The following SLC2A12 variants were observed in gnomAD, a reference collection of about 807,000 sequenced individuals.
SLC2A12 encodes solute carrier family 2 member 12, also known as solute carrier family 2, facilitated glucose transporter member 12.
A neutral mutation model predicts 41.8 loss-of-function variants in SLC2A12; 23 were observed. The observed-to-expected ratio is 0.55, with a 90% CI of 0.40 to 0.78. The LOEUF (loss-of-function observed/expected upper bound fraction) is 0.78, where lower values mean the gene tolerates loss of function less well. Ranked by LOEUF, SLC2A12 falls within the 30% of genes least tolerant of loss-of-function variation. SLC2A12 has a pLI of 0.00. For missense variants in SLC2A12, 654 were observed against 745.6 expected (o/e 0.88, Z 1.43); for synonymous variants, 295 against 285.9 (o/e 1.03, Z -0.32).
intron 2 of SLC2A12, among the ~76,000 whole-genome samples, chr6:134,023,330 G>A (rs2627232): frequency 0.41 from 62,915 of 151,824 alleles, 12,970 homozygotes; most frequent in South Asian, 0.45. Context: ...AGCAACAGCC[G>A]TTGTGATGAT....
Position 133,987,617 on chromosome 6 carries a change from G to C in SLC2A12, c.*3538C>G, listed in dbSNP as rs1484137596. 7.6e-6 allele frequency: 1 copy of C among 131,184 alleles called. No individual in the cohort carries two copies. The highest frequency in any genetic ancestry group is 8.0e-5 in the Admixed American group (1 of 12,480). 8.1% of individuals were successfully genotyped at this position (131,184 alleles called of 1,614,324 possible). A position where few individuals can be genotyped will look rare whatever the true frequency, so the allele number is the denominator to read the frequency against. On this transcript the variant is annotated 3_prime_UTR_variant, in exon 5 of 5. Transcript: ENST00000275230. ...TAAAGTGTGTTGGCTTCTTTTTGAAGTGTATTTTGTGTGTGTGTGTGTGTG... is the reference window on the plus strand; with the variant it reads ...TAAAGTGTGTTGGCTTCTTTTTGAACTGTATTTTGTGTGTGTGTGTGTGTG...
chr6:134,028,704 T>C lies in SLC2A12; in HGVS notation c.1121A>G (p.His374Arg). ...GATAGAATTGTGGCTTCTGCAGATA[T>C]GGGTGAAGTTCATGTGGATGTTGAG... ...VNLNIHMNFT[H>R]ICRSHNSINQ... is the part of the protein sequence containing the mutation. The change falls in exon 2 of 5, where the codon CAT (histidine) becomes CGT (arginine). Residue 374 changes from histidine to arginine, a missense_variant. Coordinates refer to ENST00000275230, the MANE Select transcript of SLC2A12 (RefSeq NM_145176.3). The C allele has an allele frequency of 6.2e-7, 1 of 1,614,178 alleles. No individual in the cohort carries two copies. The highest frequency in any genetic ancestry group is 8.5e-7 in the Non-Finnish European group (1 of 1,180,022).
At position 133,988,446 on chromosome 6, in the gene SLC2A12, C is replaced by T. The variant is rs1182302927; in HGVS notation, c.*2709G>A. 6.6e-6 allele frequency: 1 copy of T among 152,150 alleles called. No individual in the cohort carries two copies. The highest frequency in any genetic ancestry group is 1.5e-5 in the Non-Finnish European group (1 of 68,010). The allele number at this position is 152,150 out of a possible 1,614,324, so 9.4% of individuals were successfully genotyped here. On this transcript the variant is annotated 3_prime_UTR_variant, in exon 5 of 5. Coordinates refer to ENST00000275230, the MANE Select transcript of SLC2A12 (RefSeq NM_145176.3). ...ACTTAATGGGGACAATATTCCAACA[C>T]AATGTTCCACAAAAACTTGTATTTC...
intron 2 of SLC2A12, among the ~76,000 whole-genome samples, chr6:134,021,254 T>C (rs193250078): frequency 1.3e-5 from 2 of 152,308 alleles, no homozygotes; most frequent in East Asian, 1.9e-4. Context: ...AAGCCCAATT[T>C]GACATTTTTC....
chr6:134,007,107 C>T (rs145302518), intron 2 of SLC2A12, among the ~76,000 whole-genome samples, 173 bp from the exon 3 acceptor site: 74 of 152,368 alleles, frequency 4.9e-4, no homozygotes, highest in Middle Eastern at 3.4e-3. Context: ...TGCCTCCTCA[C>T]CTCCAGCCAA....
chr6:134,010,370 T>G lies in SLC2A12; in HGVS notation c.1445-3436A>C, dbSNP rs116662309. Among the ~76,000 whole-genome samples the G allele has an allele frequency of 8.0e-3, 1,224 of 152,302 alleles. 22 individuals carry two copies. The highest frequency in any genetic ancestry group is 0.026 in the African/African-American group (1,096 of 41,552). The stretch of plus-strand genomic sequence containing the variant: ...ATGACAGGCCAAAAGGGGATGCACA[T>G]TGTCCTATTTGTGCATCAGGAATCC... On this transcript the variant is annotated intron_variant, in intron 2 of 4. Transcript: ENST00000275230.
chr6:134,004,266 G>A (rs1345845799), intron 3 of SLC2A12, among the ~76,000 whole-genome samples: 1 of 152,094 alleles, frequency 6.6e-6, no homozygotes, highest in Non-Finnish European at 1.5e-5. Flanking sequence ...TGAAGGTTGA[G>A]GGCATGTGTT....
chr6:134,020,321 A>T (rs1256530366), intron 2 of SLC2A12, among the ~76,000 whole-genome samples: 1 of 152,166 alleles, frequency 6.6e-6, no homozygotes, highest in Non-Finnish European at 1.5e-5. Context: ...TTTCCTTCAT[A>T]CCTCTATTTA....
intron 1 of SLC2A12, among the ~76,000 whole-genome samples, chr6:134,043,595 C>A (rs1777414514): frequency 6.6e-6 from 1 of 151,912 alleles, no homozygotes; most frequent in Non-Finnish European, 1.5e-5. Context: ...GAGATCAAGA[C>A]CATCTGGCTA....
chr6:134,005,708 C>A (rs1776805251), intron 3 of SLC2A12, among the ~76,000 whole-genome samples: 1 of 137,774 alleles, frequency 7.3e-6, no homozygotes, highest in Non-Finnish European at 1.5e-5. Context: ...CTCCCTTCTG[C>A]TGCTCTCTAT....
chr6:134,038,560 A>G (rs6569922), intron 1 of SLC2A12, among the ~76,000 whole-genome samples: 4,665 of 151,028 alleles, frequency 0.031, 255 homozygotes, highest in African/African-American at 0.11. Context: ...GGGCTTCACC[A>G]TGTTGGCAAG....
rs753297755 is a variant in SLC2A12 at position 133,991,255 on chromosome 6, A to G, written c.1754T>C (p.Val585Ala). The change falls in exon 5 of 5, where the codon GTG becomes GCG. Residue 585 changes from valine (V) to alanine (A), a missense_variant. Val to Ala is a moderately conservative substitution (Grantham distance 64, BLOSUM62 0). This residue lies in a region of SLC2A12 where 134 missense variants were observed against 180.5 expected (regional missense o/e 0.74). Coordinates refer to ENST00000275230, the MANE Select transcript of SLC2A12 (RefSeq NM_145176.3). ...TTTTCTTTTTTGAGGCTGTTTTGGC[A>G]CTAATTCTTCTTGGTGATGACTCAT... Reference protein sequence around the residue: ...CFMSHHQEELVPKQPQKRKPQ... With the variant: ...CFMSHHQEELAPKQPQKRKPQ... 1 of 1,613,988 alleles carries G rather than the reference A, an allele frequency of 6.2e-7. No individual in the cohort carries two copies. Among genetic ancestry groups the G allele is most frequent in the East Asian group, 2.2e-5 (1 of 44,876 alleles).
intron 4 of SLC2A12, among the ~76,000 whole-genome samples, chr6:133,997,170 T>A (rs1007150427): frequency 1.4e-5 from 2 of 147,286 alleles, no homozygotes; most frequent in Non-Finnish European, 3.0e-5. Context: ...GGCAGGAGAA[T>A]GGTGTTAACC....
intron 1 of SLC2A12, among the ~76,000 whole-genome samples, chr6:134,039,109 G>T (rs1777346163): frequency 6.6e-6 from 1 of 152,170 alleles, no homozygotes; most frequent in Non-Finnish European, 1.5e-5. Context: ...ATTCAGGAAA[G>T]ATTTCCTCTA....
intron 4 of SLC2A12, among the ~76,000 whole-genome samples, chr6:133,991,869 C>T (rs1776628032): frequency 2.0e-5 from 3 of 152,146 alleles, no homozygotes. Flanking sequence ...TAGATAAAGA[C>T]TTCTGTTTTC....
At chr6:134,050,196 T>C (rs1377513520) in intron 1 of SLC2A12, among the ~76,000 whole-genome samples, 1 of 152,220 alleles carries the variant, frequency 6.6e-6, no homozygotes, top group Non-Finnish European at 1.5e-5. Context: ...TATGCATTCA[T>C]TTATACATAT....
At chr6:133,993,893 T>C (rs1776653201) in intron 4 of SLC2A12, among the ~76,000 whole-genome samples, 1 of 152,202 alleles carries the variant, frequency 6.6e-6, no homozygotes, top group Non-Finnish European at 1.5e-5. Flanking sequence ...TAGCAGGCTG[T>C]GCAGGGCTGG....
intron 4 of SLC2A12, among the ~76,000 whole-genome samples, chr6:134,000,615 G>A (rs983451535): frequency 4.6e-5 from 7 of 152,232 alleles, no homozygotes; most frequent in African/African-American, 7.2e-5. Context: ...ATGGAACGAC[G>A]TAATCCTAGG....
chr6:134,033,906 C>A (rs574049845), intron 1 of SLC2A12, among the ~76,000 whole-genome samples: 1 of 151,966 alleles, frequency 6.6e-6, no homozygotes, highest in Non-Finnish European at 1.5e-5. Flanking sequence ...GAGCTCCTGA[C>A]AGAAGAGGGA....
Sources: allele counts gnomAD v4.1 joint callset (sites outside exome capture counted in the v4.1 genomes callset), GRCh38; gene constraint gnomAD v4.1.1; regional missense constraint gnomAD v4.1.1; transcripts MANE v1.5; gene names NCBI Gene and HGNC (gene_info 2026-07-23, HGNC 2026-07-21).